The following MAP3K9 variants were observed in gnomAD, a reference collection of about 807,000 sequenced individuals.
MAP3K9 encodes the protein mixed lineage kinase 1 (tyr and ser/thr specificity).
In MAP3K9, 46 loss-of-function variants were observed where a neutral mutation model predicts 95.8. The observed-to-expected ratio is 0.48, with a 90% confidence interval of 0.38 to 0.61. The LOEUF (loss-of-function observed/expected upper bound fraction) is 0.61. Among genes scored for constraint, MAP3K9 ranks in the 20% least tolerant of loss-of-function variants. The probability of loss-of-function intolerance (pLI) is 0.00; values close to 1 mark genes in which losing one functional copy is unlikely to be tolerated. For synonymous variants in MAP3K9, 533 were observed against 593.8 expected (o/e 0.90, Z 1.49); for missense variants, 1,296 against 1,474.3 (o/e 0.88, Z 1.98).
chr14:70,774,983 C>CAAAAAA (rs60144338), intron 2 of MAP3K9, among the ~76,000 whole-genome samples: 8 of 55,114 alleles, frequency 1.5e-4, no homozygotes, highest in African/African-American at 2.3e-4. Flanking sequence ...ACTCTGTCCC[C>CAAAAAA]AAAAAAAAAA....
chr14:70,774,379 T>C (rs1338116879), intron 2 of MAP3K9, among the ~76,000 whole-genome samples: 1 of 152,224 alleles, frequency 6.6e-6, no homozygotes, highest in Non-Finnish European at 1.5e-5. Flanking sequence ...AAATATTTTA[T>C]ATCAGGCTGG....
In MAP3K9 at chr14:70,730,277, T is replaced by A; in HGVS notation, c.*103A>T. On this transcript the variant is annotated 3_prime_UTR_variant, in exon 12 of 12. Coordinates refer to ENST00000554752, the MANE Select transcript of MAP3K9 (RefSeq NM_001284230.2). ...CAAAGTGCATTATCAGTGCAAGAAG[T>A]AGGGCTGGATCTCAGGGGGTCCAAC... is the stretch of plus-strand genomic sequence containing the variant. The A allele has an allele frequency of 2.0e-6, 3 of 1,471,402 alleles. No individual in the cohort carries two copies. In the South Asian group the frequency reaches 4.0e-5, roughly 20 times the overall value. 91.1% of individuals were successfully genotyped at this position (1,471,402 alleles called of 1,614,324 possible).
At position 70,743,766 on chromosome 14, in the gene MAP3K9, A is replaced by G. The variant is rs148475679; in HGVS notation, c.1327-1175T>C. 9.9e-4 allele frequency among the ~76,000 whole-genome samples: 151 copies of G among 152,348 alleles called. 3 individuals carry two copies. The East Asian group carries it at 0.028, about 28-fold the overall frequency. ...TTTTACACTGTTGGTGGGAGTGTAA[A>G]TTAGTTCAACCATTGTGGAAGACAG... On this transcript the variant is annotated intron_variant, in intron 5 of 11. Coordinates refer to ENST00000554752, the MANE Select transcript of MAP3K9 (RefSeq NM_001284230.2).
chr14:70,731,948 T>C (rs1418838102), intron 11 of MAP3K9, among the ~76,000 whole-genome samples: 2 of 150,478 alleles, frequency 1.3e-5, no homozygotes, highest in Non-Finnish European at 3.0e-5. Context: ...TCCCCAGGTG[T>C]CAGATGTCGA....
intron 1 of MAP3K9, among the ~76,000 whole-genome samples, chr14:70,804,971 G>C (rs2054974697): frequency 6.6e-6 from 1 of 152,142 alleles, no homozygotes; most frequent in Non-Finnish European, 1.5e-5. Flanking sequence ...TAGGAACGAA[G>C]GAACTAGACC....
chr14:70,775,495 C>T (rs2054586326), intron 2 of MAP3K9, among the ~76,000 whole-genome samples: 1 of 152,138 alleles, frequency 6.6e-6, no homozygotes, highest in African/African-American at 2.4e-5. Context: ...CAGTGTATGA[C>T]CCACAACTTA....
At chr14:70,742,901 TTATATATATTTA>T (rs1177100709) in intron 5 of MAP3K9, among the ~76,000 whole-genome samples, 1 of 36,528 alleles carries the variant, frequency 2.7e-5, no homozygotes, top group African/African-American at 1.1e-4. Context: ...TGCCTGTGAT[TTATATATATTTA>T]TATATATATA....
chr14:70,805,221 T>C (rs765360495), intron 1 of MAP3K9, among the ~76,000 whole-genome samples: 4 of 152,222 alleles, frequency 2.6e-5, no homozygotes, highest in Non-Finnish European at 5.9e-5. Flanking sequence ...GGGTTTTGAG[T>C]AAGTGAATGT....
intron 2 of MAP3K9, among the ~76,000 whole-genome samples, chr14:70,782,874 T>C (rs768616762): frequency 3.3e-5 from 5 of 152,192 alleles, no homozygotes; most frequent in African/African-American, 7.2e-5. Flanking sequence ...TTCAAAACTA[T>C]ACAAATTCTC....
intron 1 of MAP3K9, among the ~76,000 whole-genome samples, chr14:70,807,483 C>T (rs116904950): frequency 0.01 from 1,585 of 151,962 alleles, 19 homozygotes; most frequent in Non-Finnish European, 0.017. Flanking sequence ...ACGAGACTGT[C>T]TCAAAAAAAC....
Position 70,724,763 on chromosome 14 carries a change from GCCCTGGGGCCCT to G in MAP3K9, c.*5605_*5616del, listed in dbSNP as rs1026140571. The G allele has an allele frequency of 2.0e-5, 3 of 152,158 alleles. No individual in the cohort carries two copies. Among genetic ancestry groups the G allele is most frequent in the Non-Finnish European group, 4.4e-5 (3 of 68,020 alleles). The allele number at this position is 152,158 out of a possible 1,614,324, so 9.4% of individuals were successfully genotyped here. A position where few individuals can be genotyped will look rare whatever the true frequency, so the allele number is the denominator to read the frequency against. On this transcript the variant is annotated 3_prime_UTR_variant, in exon 12 of 12. Transcript: ENST00000554752. ...TGAGCGCAGGGCAAGGAACACCACG[GCCCTGGGGCCCT>G]CGCTCCCCAGGGCTCCGCTTGTGAC...
chr14:70,751,655 G>T (rs1280013643), intron 3 of MAP3K9, among the ~76,000 whole-genome samples: 1 of 152,134 alleles, frequency 6.6e-6, no homozygotes, highest in African/African-American at 2.4e-5. Flanking sequence ...GGAGGCGAAG[G>T]TTGCAGTAAG....
chr14:70,798,342 G>A (rs1044129726), intron 2 of MAP3K9, among the ~76,000 whole-genome samples: 1 of 151,572 alleles, frequency 6.6e-6, no homozygotes, highest in Admixed American at 6.6e-5. Flanking sequence ...ACAGTACTTT[G>A]CCTACTTCTC....
At chr14:70,758,016 C>T (rs1399161536) in intron 3 of MAP3K9, among the ~76,000 whole-genome samples, 1 of 151,876 alleles carries the variant, frequency 6.6e-6, no homozygotes, top group Non-Finnish European at 1.5e-5. Context: ...AGATATGACA[C>T]CAAAAGCACA....
At chr14:70,808,632 C>G in intron 1 of MAP3K9, 134 bp downstream of exon 1, 1 of 516,898 alleles carries the variant, frequency 1.9e-6, no homozygotes, top group South Asian at 2.3e-5. Flanking sequence ...AAGCGCGCGC[C>G]ACCCACACCC....
chr14:70,762,008 C>T (rs1203544495), intron 2 of MAP3K9, among the ~76,000 whole-genome samples: 1 of 152,206 alleles, frequency 6.6e-6, no homozygotes, highest in Non-Finnish European at 1.5e-5. Context: ...TACAATCATA[C>T]AATATGTGAC....
chr14:70,781,230 A>G (rs1233158630), intron 2 of MAP3K9, among the ~76,000 whole-genome samples: 1 of 152,252 alleles, frequency 6.6e-6, no homozygotes, highest in Non-Finnish European at 1.5e-5. Flanking sequence ...TTGGGTCTGC[A>G]GCCTTGAGCC....
chr14:70,778,814 C>A lies in MAP3K9; in HGVS notation c.821-17632G>T, dbSNP rs112181225. Among the ~76,000 whole-genome samples, 84 of 152,320 alleles carry A rather than the reference C, an allele frequency of 5.5e-4. 1 individual carries two copies. Among genetic ancestry groups the A allele is most frequent in the African/African-American group, 1.9e-3 (80 of 41,584 alleles). On this transcript the variant is annotated intron_variant, in intron 2 of 11. Transcript: ENST00000554752. ...GAGGATATTCCCCTGAGCTACCCAG[C>A]CAGAAAGTGGTAAAGTGGGGACCAC... is the stretch of plus-strand genomic sequence containing the variant.
In MAP3K9 at chr14:70,728,717, G is replaced by C. The variant is rs2053853491; in HGVS notation, c.*1663C>G. The C allele has an allele frequency of 6.6e-6, 1 of 152,182 alleles. No individual in the cohort carries two copies. Among genetic ancestry groups the C allele is most frequent in the Non-Finnish European group, 1.5e-5 (1 of 68,036 alleles). The allele number at this position is 152,182 out of a possible 1,614,324, so 9.4% of individuals were successfully genotyped here. A position where few individuals can be genotyped will look rare whatever the true frequency, so the allele number is the denominator to read the frequency against. ...AGCAAGGAACAAGGTCACCCCTTTA[G>C]TGACCCCAAGGCAGGACATCTATCC... On this transcript the variant is annotated 3_prime_UTR_variant, in exon 12 of 12. Transcript: ENST00000554752.
Sources: gnomAD v4.1 joint callset for allele counts (sites outside exome capture counted in the v4.1 genomes callset) on GRCh38, gnomAD v4.1.1 for gene constraint, MANE v1.5 for transcripts, NCBI Gene and HGNC (gene_info 2026-07-23, HGNC 2026-07-21) for gene names.